The following APC2 variants were observed in gnomAD, a reference collection of about 807,000 sequenced individuals.
APC2 encodes adenomatous polyposis coli protein 2.
A neutral mutation model predicts 72.5 loss-of-function variants in APC2; 41 were observed. That is an observed-to-expected ratio of 0.57 (90% CI 0.44 to 0.73). The LOEUF is 0.73. Ranked by LOEUF, APC2 falls within the 30% of genes least tolerant of loss-of-function variation. The pLI, the probability that APC2 is intolerant of heterozygous loss-of-function variation, is 0.00. For synonymous variants in APC2, 1,898 were observed against 1,612.0 expected (o/e 1.18, Z -4.25); for missense variants, 3,729 against 3,403.4 (o/e 1.10, Z -2.38).
At chr19:1,457,805 C>CCCATCTTAGAGAGGCTGGGAAAG in intron 9 of APC2, 160 bp from the exon 10 acceptor site, 1 of 657,672 alleles carries the variant, frequency 1.5e-6, no homozygotes. Context: ...ACCCCATCAT[C>CCCATCTTAGAGAGGCTGGGAAAG]CCATCTTAGA....
rs57455650 is a variant in APC2 at position 1,472,736 on chromosome 19, C to T, written c.*2523C>T. On this transcript the variant is annotated 3_prime_UTR_variant, in exon 15 of 15. Transcript: ENST00000590469. ...GTCTCTGGACAATCAACTCAAGGTA[C>T]GCCCACTGCAAGGCCTCCCTCCCAC... 13,129 of 152,406 alleles carry T rather than the reference C, an allele frequency of 0.086. 775 individuals are homozygous for T. The highest frequency in any genetic ancestry group is 0.17 in the African/African-American group (6,993 of 41,502). The allele number at this position is 152,406 out of a possible 1,614,324, so 9.4% of individuals were successfully genotyped here.
chr19:1,448,494 C>T (rs1193179549), upstream of APC2, among the ~76,000 whole-genome samples: 1 of 150,090 alleles, frequency 6.7e-6, no homozygotes, highest in Non-Finnish European at 1.5e-5. Context: ...TGCGGTGAGC[C>T]GAGATGGCGC....
chr19:1,470,029 C>G lies in APC2; in HGVS notation c.6728C>G (p.Pro2243Arg). 6.4e-7 allele frequency: 1 copy of G among 1,561,774 alleles called. No homozygotes were observed. ...PSLAKAPISA[P>R]FVHEGLGVAV... is the part of the protein sequence containing the mutation. ...CTCGCCAAGGCTCCCATCTCCGCACCCTTCGTGCACGAGGGCCTGGGGGTC... is the reference window on the plus strand; with the variant it reads ...CTCGCCAAGGCTCCCATCTCCGCACGCTTCGTGCACGAGGGCCTGGGGGTC... Residue 2243 changes from proline (P) to arginine (R), a missense_variant, in exon 15 of 15, where the codon CCC becomes CGC. Physicochemically the swap from Pro to Arg is moderately radical, Grantham distance 103. Transcript: ENST00000590469.
In APC2 at chr19:1,469,519, C is replaced by T; in HGVS notation, c.6218C>T (p.Ala2073Val). Residue 2073 changes from alanine to valine, a missense_variant, in exon 15 of 15, where the codon GCC becomes GTC. By Grantham distance (64) the Ala-to-Val change is moderately conservative. Coordinates refer to ENST00000590469, the MANE Select transcript of APC2 (RefSeq NM_005883.3). The stretch of plus-strand genomic sequence containing the variant: ...CGACCCAGCCCTGGCGAGCGCCCTG[C>T]CCGGCGCACCACCTCCGAGAGCCCG... ...AARPSPGERPARRTTSESPSR... is the reference protein window; with the variant it reads ...AARPSPGERPVRRTTSESPSR... 1.7e-6 allele frequency: 2 copies of T among 1,158,254 alleles called. No individual in the cohort carries two copies. Among genetic ancestry groups the T allele is most frequent in the South Asian group, 2.2e-5 (1 of 45,486 alleles). 71.7% of individuals were successfully genotyped at this position (1,158,254 alleles called of 1,614,324 possible). A position where few individuals can be genotyped will look rare whatever the true frequency, so the allele number is the denominator to read the frequency against.
chr19:1,451,253 TTCG>T (rs1569135550), intron 1 of APC2: 1 of 152,700 alleles, frequency 6.5e-6, no homozygotes, highest in Non-Finnish European at 1.5e-5. Flanking sequence ...GAGGCTTGGC[TTCG>T]GTCAGCTGAG....
intron 13 of APC2, 184 bp from the exon 14 acceptor site, chr19:1,461,779 G>C (rs1441489168): frequency 1.7e-6 from 1 of 584,470 alleles, no homozygotes; most frequent in South Asian, 2.2e-5. Flanking sequence ...TTGAACTGGG[G>C]AGTCGGAGCC....
Position 1,465,234 on chromosome 19 carries a change from G to A in APC2, c.1933G>A (p.Ala645Thr), listed in dbSNP as rs752529365. Residue 645 changes from alanine to threonine, a missense_variant, in exon 15 of 15, where the codon GCG becomes ACG. Ala to Thr is a moderately conservative substitution (Grantham distance 58, BLOSUM62 0). Transcript: ENST00000590469. ...TSHSLTIVSN[A>T]CGTLWNLSAR... ...GCACAGCCTGACCATCGTGAGCAAC[G>A]CGTGCGGCACGCTCTGGAACCTGTC... is the stretch of plus-strand genomic sequence containing the variant. 1.2e-6 allele frequency: 2 copies of A among 1,610,576 alleles called. No homozygotes were observed. The highest frequency in any genetic ancestry group is 2.2e-5 in the South Asian group (2 of 90,892).
In APC2 at chr19:1,456,846, C is replaced by T. The variant is rs753128007; in HGVS notation, c.817-7C>T. On this transcript the variant is annotated splice_region_variant and splice_polypyrimidine_tract_variant and intron_variant, in intron 8 of 14. Transcript: ENST00000590469. ...GGGACCCCACCCTGACCCTGCCCTC[C>T]CCCCAGGTGGAGGTGGTCTTCTGGC... 1.9e-6 allele frequency: 3 copies of T among 1,593,552 alleles called. No homozygotes were observed. The East Asian group carries it at 6.8e-5, about 36-fold the overall frequency.
In APC2 at chr19:1,452,778, A is replaced by T; in HGVS notation, c.-18-206A>T. 1 of 585,242 alleles carries T rather than the reference A, an allele frequency of 1.7e-6. No homozygotes were observed. The highest frequency in any genetic ancestry group is 1.9e-5 in the African/African-American group (1 of 53,218). 36.3% of individuals were successfully genotyped at this position (585,242 alleles called of 1,614,324 possible). ...CTGTCTCCCCTTGGGGCCACCTCTCACTCCACCTGCCCCTCTGCGCCCCGG... is the reference window on the plus strand; with the variant it reads ...CTGTCTCCCCTTGGGGCCACCTCTCTCTCCACCTGCCCCTCTGCGCCCCGG... On this transcript the variant is annotated intron_variant, in intron 1 of 14. Transcript: ENST00000590469. The surrounding 1 kb of genome is among the most constrained non-coding windows in gnomAD (Gnocchi z 5.1).
intron 14 of APC2, 45 bp from the exon 15 acceptor site, chr19:1,465,110 G>A (rs769811628): frequency 7.7e-6 from 12 of 1,561,276 alleles, no homozygotes; most frequent in Non-Finnish European, 1.0e-5. Context: ...CGGTGGGCAG[G>A]GGAGGGTGGG....
Position 1,455,377 on chromosome 19 carries a change from T to C in APC2, c.523-7T>C, listed in dbSNP as rs1398175049. ...CTCACCGTGGCCCGCCCGCCTGCCT[T>C]TGCCAGCAGTTCTCGATGCAGATGG... is the stretch of plus-strand genomic sequence containing the variant. On this transcript the variant is annotated splice_region_variant and splice_polypyrimidine_tract_variant and intron_variant, in intron 5 of 14. Coordinates refer to ENST00000590469, the MANE Select transcript of APC2 (RefSeq NM_005883.3). The C allele has an allele frequency of 1.4e-5, 22 of 1,607,276 alleles. No homozygotes were observed. The highest frequency in any genetic ancestry group is 2.2e-5 in the South Asian group (2 of 90,094).
At chr19:1,463,027 G>A (rs939308352) in intron 14 of APC2, among the ~76,000 whole-genome samples, 8 of 151,514 alleles carry the variant, frequency 5.3e-5, no homozygotes, top group Admixed American at 2.0e-4. Flanking sequence ...TGGAATCCCA[G>A]CACTTTGGGA....
chr19:1,452,388 T>G lies in APC2; in HGVS notation c.-18-596T>G, dbSNP rs1240505721. On this transcript the variant is annotated intron_variant, in intron 1 of 14. Transcript: ENST00000590469. This position sits in a 1 kb window ranked among gnomAD's most constrained non-coding sequence, Gnocchi z 5.1. ...CTGCGGTGATGGCGGTGGGCTTGGG[T>G]CCATCTGTCCTGCCGTTTCTGCACA... 1 of 155,996 alleles carries G rather than the reference T, an allele frequency of 6.4e-6. No individual in the cohort carries two copies. Among genetic ancestry groups the G allele is most frequent in the Non-Finnish European group, 1.4e-5 (1 of 70,510 alleles). The allele number at this position is 155,996 out of a possible 1,614,324, so 9.7% of individuals were successfully genotyped here.
Position 1,455,487 on chromosome 19 carries a change from T to C in APC2, c.626T>C (p.Val209Ala), listed in dbSNP as rs1309786361. The change falls in exon 6 of 15, where the codon GTG becomes GCG. Residue 209 changes from valine (V) to alanine (A), a missense_variant. Coordinates refer to ENST00000590469, the MANE Select transcript of APC2 (RefSeq NM_005883.3). ...EERFGTSDEM[V>A]QRAQIRASRL... is the part of the protein sequence containing the mutation. Reference sequence around the variant, plus strand: ...CGCTTCGGCACCTCGGACGAGATGGTGCAGCGGGCACAGGTGCGGCGGTGG... The same window carrying C: ...CGCTTCGGCACCTCGGACGAGATGGCGCAGCGGGCACAGGTGCGGCGGTGG... The C allele has an allele frequency of 1.2e-6, 2 of 1,602,088 alleles. No homozygotes were observed. Among genetic ancestry groups the C allele is most frequent in the Non-Finnish European group, 8.5e-7 (1 of 1,174,812 alleles).
Position 1,471,476 on chromosome 19 carries a change from T to G in APC2, c.*1263T>G, listed in dbSNP as rs931247268. ...GAAGGGCCTGAGGGGCTCGGCTGCC[T>G]CATCCCCTGGCGGGGGAGGCTGGGA... On this transcript the variant is annotated 3_prime_UTR_variant, in exon 15 of 15. Transcript: ENST00000590469. The G allele has an allele frequency of 2.6e-5, 4 of 152,214 alleles. No homozygotes were observed. The highest frequency in any genetic ancestry group is 5.9e-5 in the Non-Finnish European group (4 of 68,064). 9.4% of individuals were successfully genotyped at this position (152,214 alleles called of 1,614,324 possible). A position where few individuals can be genotyped will look rare whatever the true frequency, so the allele number is the denominator to read the frequency against.
At position 1,460,172 on chromosome 19, in the gene APC2, T is replaced by C; in HGVS notation, c.1304-9T>C. 2 of 1,613,120 alleles carry C rather than the reference T, an allele frequency of 1.2e-6. No homozygotes were observed. The highest frequency in any genetic ancestry group is 1.7e-6 in the Non-Finnish European group (2 of 1,179,976). ...CCTGCCACCCACCAACCTTGTTGGG[T>C]CCTCACAGGTGGGCTGCAGGCCGTG... On this transcript the variant is annotated splice_polypyrimidine_tract_variant and intron_variant, in intron 10 of 14. Coordinates refer to ENST00000590469, the MANE Select transcript of APC2 (RefSeq NM_005883.3).
chr19:1,468,406 A>T lies in APC2; in HGVS notation c.5105A>T (p.Gln1702Leu). The T allele has an allele frequency of 6.3e-7, 1 of 1,589,802 alleles. No homozygotes were observed. Among genetic ancestry groups the T allele is most frequent in the Non-Finnish European group, 8.6e-7 (1 of 1,168,840 alleles). The change falls in exon 15 of 15, where the codon CAG (glutamine) becomes CTG (leucine). Residue 1702 changes from glutamine to leucine, a missense_variant. Coordinates refer to ENST00000590469, the MANE Select transcript of APC2 (RefSeq NM_005883.3). ...GANSIVTWLH[Q>L]AAAATREASS... is the part of the protein sequence containing the mutation. ...AATTCAATTGTCACGTGGCTGCACC[A>T]GGCAGCAGCTGCCACGCGGGAGGCC... is the stretch of plus-strand genomic sequence containing the variant.
rs1203002464 is a variant in APC2, at chr19:1,457,192, G to T, written c.1156G>T (p.Asp386Tyr). The part of the protein sequence containing the change: ...QIRAYCETCW[D>Y]WLQARDGGPE... ...CCGGGCCTACTGCGAGACCTGCTGG[G>T]ACTGGCTGCAGGCCCGAGACGGCGG... The change falls in exon 9 of 15, where the codon GAC becomes TAC. Residue 386 changes from aspartate (D) to tyrosine (Y), a missense_variant. Asp to Tyr is a radical substitution (Grantham distance 160). Coordinates refer to ENST00000590469, the MANE Select transcript of APC2 (RefSeq NM_005883.3). 1 of 1,565,092 alleles carries T rather than the reference G, an allele frequency of 6.4e-7. No individual in the cohort carries two copies. The highest frequency in any genetic ancestry group is 1.2e-5 in the South Asian group (1 of 85,164).
In APC2 at chr19:1,455,953, T is replaced by C. The variant is rs555729088; in HGVS notation, c.640-123T>C. 1,647 of 354,132 alleles carry C rather than the reference T, an allele frequency of 4.7e-3. 2 individuals are homozygous for C. Among genetic ancestry groups the C allele is most frequent in the Non-Finnish European group, 6.1e-3 (1,491 of 245,774 alleles). 21.9% of individuals were successfully genotyped at this position (354,132 alleles called of 1,614,324 possible). ...AGAAGGCAGAGGTAGGGTCAGGGCC[T>C]GGGGCGGGGTTATCAGGAAGAGGCG... On this transcript the variant is annotated intron_variant, in intron 6 of 14. Coordinates refer to ENST00000590469, the MANE Select transcript of APC2 (RefSeq NM_005883.3).
Sources: gnomAD v4.1 joint callset for allele counts (sites outside exome capture counted in the v4.1 genomes callset) on GRCh38, gnomAD v4.1.1 for gene constraint, Gnocchi (gnomAD v3.1) non-coding constraint, MANE v1.5 for transcripts, NCBI Gene and HGNC (gene_info 2026-07-23, HGNC 2026-07-21) for gene names.